The following MAP2K5 variants were observed in gnomAD, a reference collection of about 807,000 sequenced individuals.
MAP2K5 encodes dual specificity mitogen-activated protein kinase kinase 5.
A neutral mutation model predicts 83.1 loss-of-function variants in MAP2K5; 49 were observed. That is an observed-to-expected ratio of 0.59 (90% CI 0.47 to 0.75). The LOEUF is 0.75. Ranked by LOEUF, MAP2K5 falls within the 30% of genes least tolerant of loss-of-function variation. MAP2K5 has a pLI of 0.00. For missense variants in MAP2K5, 457 were observed against 557.5 expected, an observed-to-expected ratio of 0.82 and a Z score of 1.82; for synonymous variants, 202 against 191.8, an observed-to-expected ratio of 1.05 and a Z score of -0.44.
intron 21 of MAP2K5, among the ~76,000 whole-genome samples, chr15:67,787,486 T>C (rs977202989): frequency 1.3e-5 from 2 of 152,262 alleles, no homozygotes; most frequent in Non-Finnish European, 2.9e-5. Context: ...ATTGTAGTCT[T>C]GTAAGAATTC....
chr15:67,574,870 AAAT>A (rs1318209279), intron 3 of MAP2K5, among the ~76,000 whole-genome samples: 3 of 152,220 alleles, frequency 2.0e-5, no homozygotes, highest in Non-Finnish European at 1.5e-5. Flanking sequence ...CCATCTCAAA[AAAT>A]AATAATAAAA....
Position 67,543,913 on chromosome 15 carries a change from T to G in MAP2K5, c.135+443T>G, listed in dbSNP as rs1441954578. Among the ~76,000 whole-genome samples, 1 of 152,178 alleles carries G rather than the reference T, an allele frequency of 6.6e-6. No homozygotes were observed. Among genetic ancestry groups the G allele is most frequent in the Non-Finnish European group, 1.5e-5 (1 of 68,026 alleles). ...AACTTACCATGTTTGAGCACACTGT[T>G]TCATTAATTTATTTTGAGACAGGGC... On this transcript the variant is annotated intron_variant, in intron 1 of 21. Coordinates refer to ENST00000178640, the MANE Select transcript of MAP2K5 (RefSeq NM_145160.3). The surrounding 1 kb of genome is among the most constrained non-coding windows in gnomAD (Gnocchi z 4.3).
chr15:67,599,358 G>T (rs1281536157), intron 7 of MAP2K5, among the ~76,000 whole-genome samples: 1 of 152,114 alleles, frequency 6.6e-6, no homozygotes, highest in Non-Finnish European at 1.5e-5. Flanking sequence ...ATTGGGTGCT[G>T]GATTGGCCTT....
At position 67,587,862 on chromosome 15, in the gene MAP2K5, GT is replaced by G. The variant is rs1157659382; in HGVS notation, c.431+950del. ...CCTCCCTCAGTGCCACACCCTGTCAGTCCCCACACTTGTGGGTTCTACCTTC... is the reference window on the plus strand; with the variant it reads ...CCTCCCTCAGTGCCACACCCTGTCAGCCCCACACTTGTGGGTTCTACCTTC... On this transcript the variant is annotated intron_variant, in intron 6 of 21. Coordinates refer to ENST00000178640, the MANE Select transcript of MAP2K5 (RefSeq NM_145160.3). This position sits in a 1 kb window ranked among gnomAD's most constrained non-coding sequence, Gnocchi z 4.8. Among the ~76,000 whole-genome samples, 2 of 152,114 alleles carry G rather than the reference GT, an allele frequency of 1.3e-5. No individual in the cohort carries two copies.
At chr15:67,740,835 C>T (rs2089474382) in intron 17 of MAP2K5, among the ~76,000 whole-genome samples, 1 of 152,002 alleles carries the variant, frequency 6.6e-6, no homozygotes, top group Non-Finnish European at 1.5e-5. Flanking sequence ...CAAGACCAGC[C>T]TGGCCAACAT....
intron 8 of MAP2K5, among the ~76,000 whole-genome samples, chr15:67,607,975 A>G (rs954139216): frequency 1.3e-5 from 2 of 152,220 alleles, no homozygotes; most frequent in African/African-American, 4.8e-5. Flanking sequence ...GCTGAATCTA[A>G]GTGTTTCAAC....
At chr15:67,606,727 C>T (rs2085786011) in intron 8 of MAP2K5, among the ~76,000 whole-genome samples, 1 of 152,086 alleles carries the variant, frequency 6.6e-6, no homozygotes, top group African/African-American at 2.4e-5. Flanking sequence ...CATATTAGCT[C>T]ATTATAGTAA....
intron 21 of MAP2K5, among the ~76,000 whole-genome samples, chr15:67,803,673 G>A (rs908129774): frequency 4.6e-5 from 7 of 152,220 alleles, no homozygotes; most frequent in African/African-American, 1.7e-4. Flanking sequence ...AGGGCTGATG[G>A]GAGGAGGGGG....
chr15:67,718,771 AT>A (rs1318620277), intron 16 of MAP2K5, among the ~76,000 whole-genome samples: 7 of 152,092 alleles, frequency 4.6e-5, no homozygotes, highest in African/African-American at 1.7e-4. Flanking sequence ...CTCAAAAAAT[AT>A]TTTTTATGGG....
intron 16 of MAP2K5, among the ~76,000 whole-genome samples, chr15:67,723,517 C>G (rs1276880698): frequency 1.3e-5 from 2 of 152,104 alleles, no homozygotes; most frequent in Admixed American, 1.3e-4. Context: ...AAACGTCCCG[C>G]AAGAGAGTCT....
chr15:67,644,742 A>C lies in MAP2K5; in HGVS notation c.586-1489A>C, dbSNP rs1010130343. ...GGAGTTAATGAAATAAGATTTCTTCAAGCTTTAACTTTCTGTAACAGGATT... is the reference window on the plus strand; with the variant it reads ...GGAGTTAATGAAATAAGATTTCTTCCAGCTTTAACTTTCTGTAACAGGATT... On this transcript the variant is annotated intron_variant, in intron 9 of 21. Transcript: ENST00000178640. The surrounding 1 kb of genome is among the most constrained non-coding windows in gnomAD (Gnocchi z 4.6). 2.0e-5 allele frequency among the ~76,000 whole-genome samples: 3 copies of C among 152,164 alleles called. No individual in the cohort carries two copies. The highest frequency in any genetic ancestry group is 4.4e-5 in the Non-Finnish European group (3 of 68,030).
intron 19 of MAP2K5, among the ~76,000 whole-genome samples, chr15:67,753,213 TTAAATG>T (rs1566952764): frequency 1.3e-5 from 2 of 152,160 alleles, no homozygotes; most frequent in Non-Finnish European, 2.9e-5. Flanking sequence ...GATCAAAGAC[TTAAATG>T]TAAGAGTAAA....
Position 67,748,195 on chromosome 15 carries a change from A to G in MAP2K5, c.1075-36A>G. 1.9e-6 allele frequency: 3 copies of G among 1,539,974 alleles called. No individual in the cohort carries two copies. In the South Asian group the frequency reaches 3.4e-5, roughly 17 times the overall value. On this transcript the variant is annotated intron_variant, in intron 17 of 21. Coordinates refer to ENST00000178640, the MANE Select transcript of MAP2K5 (RefSeq NM_145160.3). The surrounding 1 kb of genome is among the most constrained non-coding windows in gnomAD (Gnocchi z 4.0). Reference sequence around the variant, plus strand: ...TAATGTGTCCAAGTGAGTCATTTTGATTATGACATGCTAATTACATATTGC... The same window carrying G: ...TAATGTGTCCAAGTGAGTCATTTTGGTTATGACATGCTAATTACATATTGC...
intron 21 of MAP2K5, among the ~76,000 whole-genome samples, chr15:67,800,073 C>T (rs2090675536): frequency 6.6e-6 from 1 of 152,096 alleles, no homozygotes; most frequent in Non-Finnish European, 1.5e-5. Context: ...AGAGTTGGCC[C>T]CAGGGATAGT....
In MAP2K5 at chr15:67,676,346, G is replaced by A. The variant is rs938417982; in HGVS notation, c.847+11701G>A. Among the ~76,000 whole-genome samples, 3 of 152,178 alleles carry A rather than the reference G, an allele frequency of 2.0e-5. No homozygotes were observed. Among genetic ancestry groups the A allele is most frequent in the Non-Finnish European group, 2.9e-5 (2 of 68,016 alleles). On this transcript the variant is annotated intron_variant, in intron 13 of 21. Transcript: ENST00000178640. The surrounding 1 kb of genome is among the most constrained non-coding windows in gnomAD (Gnocchi z 4.8). ...ATTGAATCATAATTTTCTGAGGGCA[G>A]TGTTTTTCTCCTGGAACTTTTTATA...
rs543594069 is a variant in MAP2K5, at chr15:67,571,634, C to T, written c.252+8284C>T. Among the ~76,000 whole-genome samples the T allele has an allele frequency of 2.6e-5, 4 of 152,098 alleles. No individual in the cohort carries two copies. The East Asian group carries it at 7.7e-4, about 29-fold the overall frequency. ...TTCAAGTACTTTTTAAGAAGGTTTCCCATATACCAGCTCCTTTAATTTTGA... is the reference window on the plus strand; with the variant it reads ...TTCAAGTACTTTTTAAGAAGGTTTCTCATATACCAGCTCCTTTAATTTTGA... On this transcript the variant is annotated intron_variant, in intron 3 of 21. Coordinates refer to ENST00000178640, the MANE Select transcript of MAP2K5 (RefSeq NM_145160.3).
chr15:67,601,624 TG>T lies in MAP2K5; in HGVS notation c.545+876del, dbSNP rs367826801. Among the ~76,000 whole-genome samples the T allele has an allele frequency of 8.5e-5, 13 of 152,364 alleles. No homozygotes were observed. In the East Asian group the frequency reaches 1.3e-3, roughly 16 times the overall value. On this transcript the variant is annotated intron_variant, in intron 8 of 21. Coordinates refer to ENST00000178640, the MANE Select transcript of MAP2K5 (RefSeq NM_145160.3). ...TGATATTAATATGTATTTCCAGAGTTGTAAAATAATTAACTTATTTTCTAAT... is the reference window on the plus strand; with the variant it reads ...TGATATTAATATGTATTTCCAGAGTTTAAAATAATTAACTTATTTTCTAAT...
intron 16 of MAP2K5, among the ~76,000 whole-genome samples, chr15:67,711,739 C>T (rs1051154817): frequency 1.3e-5 from 2 of 152,108 alleles, no homozygotes; most frequent in African/African-American, 2.4e-5. Flanking sequence ...CAACAGCACT[C>T]AAGTTTTGAA....
rs547919649 is a variant in MAP2K5, at chr15:67,652,643, A to G, written c.737-5910A>G. Among the ~76,000 whole-genome samples, 3 of 152,338 alleles carry G rather than the reference A, an allele frequency of 2.0e-5. No homozygotes were observed. Among genetic ancestry groups the G allele is most frequent in the South Asian group, 2.1e-4 (1 of 4,824 alleles). On this transcript the variant is annotated intron_variant, in intron 11 of 21. Coordinates refer to ENST00000178640, the MANE Select transcript of MAP2K5 (RefSeq NM_145160.3). The surrounding 1 kb of genome is among the most constrained non-coding windows in gnomAD (Gnocchi z 4.2). ...TTCAACATGAGTTTTGAAGGGGACA[A>G]ATATTCAAACTGTATCAGCCATTTT...
Sources: allele counts gnomAD v4.1 joint callset (sites outside exome capture counted in the v4.1 genomes callset), GRCh38; gene constraint gnomAD v4.1.1; non-coding constraint Gnocchi (gnomAD v3.1); transcripts MANE v1.5; gene names NCBI Gene and HGNC (gene_info 2026-07-23, HGNC 2026-07-21).